POU2F1: variants seen among roughly 807,000 people sequenced by gnomAD.
POU2F1 encodes the protein POU class 2 homeobox 1.
Under a neutral mutation model 84.9 loss-of-function variants are expected in POU2F1, and 16 were observed. The observed-to-expected ratio is 0.19, with a 90% CI of 0.13 to 0.29. POU2F1 has a LOEUF of 0.29. POU2F1 is among the 10% of genes least tolerant of loss of function. The pLI is 1.00. For synonymous variants in POU2F1, 368 were observed against 368.3 expected (o/e 1.00, Z 0.01); for missense variants, 738 against 942.6 (o/e 0.78, Z 2.84).
chr1:167,411,301 G>A (rs971426455), intron 13 of POU2F1, among the ~76,000 whole-genome samples: 20 of 152,032 alleles, frequency 1.3e-4, no homozygotes, highest in African/African-American at 4.8e-5. Context: ...GCCTCCCAAA[G>A]TGCTGAGATT....
At chr1:167,294,098 C>T (rs991951035) in intron 1 of POU2F1, among the ~76,000 whole-genome samples, 2 of 147,068 alleles carry the variant, frequency 1.4e-5, no homozygotes, top group South Asian at 2.1e-4. Context: ...TTTGGGAGGC[C>T]GAGGCGGGCG....
rs1204164433 is a variant in POU2F1 at position 167,401,448 on chromosome 1, A to G, written c.1450-3A>G. ...TGTCCATGTTTTCATTTCTGACCTC[A>G]AGGTGGCGACCACACCAAGCCTTGT... On this transcript the variant is annotated splice_polypyrimidine_tract_variant and splice_region_variant and intron_variant, in intron 12 of 15. Coordinates refer to ENST00000367866, the MANE Select transcript of POU2F1 (RefSeq NM_002697.4). 1 of 1,604,356 alleles carries G rather than the reference A, an allele frequency of 6.2e-7. No individual in the cohort carries two copies.
At chr1:167,373,906 G>A (rs1184404193) in intron 5 of POU2F1, among the ~76,000 whole-genome samples, 1 of 151,892 alleles carries the variant, frequency 6.6e-6, no homozygotes, top group Non-Finnish European at 1.5e-5. Flanking sequence ...TAAGTCCATA[G>A]TGGGGACCAC....
At chr1:167,414,250 T>G (rs1193581885) in intron 15 of POU2F1, 14 of 891,044 alleles carry the variant, frequency 1.6e-5, no homozygotes, top group Non-Finnish European at 1.7e-5. Context: ...TGCAATAGAA[T>G]TTGTGATAAA....
In POU2F1 at chr1:167,383,869, C is replaced by T. The variant is rs772726623; in HGVS notation, c.731C>T (p.Ala244Val). 7 of 1,613,370 alleles carry T rather than the reference C, an allele frequency of 4.3e-6. No homozygotes were observed. Among genetic ancestry groups the T allele is most frequent in the African/African-American group, 1.3e-5 (1 of 74,866 alleles). The change falls in exon 8 of 16, where the codon GCG (alanine) becomes GTG (valine). Residue 244 changes from alanine to valine, a missense_variant. Around this residue, in one of 4 missense-constraint regions of POU2F1, gnomAD observed 163 missense variants for 214.4 expected, o/e 0.76. Transcript: ENST00000367866. ...TPQGQQGLLQ[A>V]QNLLTQLPQQ... Reference sequence around the variant, plus strand: ...TTTTCTTCTACAGGTCTCCTGCAAGCGCAAAATCTTCTAACGCAACTACCT... The same window carrying T: ...TTTTCTTCTACAGGTCTCCTGCAAGTGCAAAATCTTCTAACGCAACTACCT...
intron 2 of POU2F1, among the ~76,000 whole-genome samples, chr1:167,361,738 T>C (rs192892393): frequency 3.3e-5 from 5 of 152,282 alleles, no homozygotes; most frequent in Admixed American, 3.3e-4. Flanking sequence ...ATAGTTTCAG[T>C]AGAATTGGTA....
At chr1:167,299,742 A>C (rs2102562015) in intron 1 of POU2F1, among the ~76,000 whole-genome samples, 1 of 148,174 alleles carries the variant, frequency 6.7e-6, no homozygotes, top group Middle Eastern at 3.4e-3. Flanking sequence ...ACCTAGTTCC[A>C]AAGAGTGGGA....
intron 3 of POU2F1, among the ~76,000 whole-genome samples, chr1:167,368,090 A>G (rs1301028707): frequency 2.6e-5 from 4 of 152,124 alleles, no homozygotes; most frequent in Admixed American, 6.6e-5. Flanking sequence ...ATATTGGCCC[A>G]TATTTATATA....
intron 13 of POU2F1, among the ~76,000 whole-genome samples, chr1:167,408,541 G>A (rs1014691300): frequency 5.9e-5 from 9 of 152,166 alleles, no homozygotes; most frequent in African/African-American, 2.2e-4. Flanking sequence ...AATTAATGAG[G>A]TGTTGATTCG....
chr1:167,423,012 T>C lies in POU2F1; in HGVS notation c.*7202T>C, dbSNP rs1650734868. ...GATGTTCTTGGAATTGCTGAGAAATTTGGGGAGGGCAAAAGATAGGGGTAG... is the reference window on the plus strand; with the variant it reads ...GATGTTCTTGGAATTGCTGAGAAATCTGGGGAGGGCAAAAGATAGGGGTAG... On this transcript the variant is annotated 3_prime_UTR_variant, in exon 16 of 16. Transcript: ENST00000367866. 1 of 152,154 alleles carries C rather than the reference T, an allele frequency of 6.6e-6. No homozygotes were observed. The highest frequency in any genetic ancestry group is 1.5e-5 in the Non-Finnish European group (1 of 68,020). 9.4% of individuals were successfully genotyped at this position (152,154 alleles called of 1,614,324 possible).
At position 167,354,896 on chromosome 1, in the gene POU2F1, T is replaced by C. The variant is rs562123652; in HGVS notation, c.128-10571T>C. Among the ~76,000 whole-genome samples, 55 of 152,338 alleles carry C rather than the reference T, an allele frequency of 3.6e-4. No homozygotes were observed. In the South Asian group the frequency reaches 7.2e-3, roughly 20 times the overall value. On this transcript the variant is annotated intron_variant, in intron 2 of 15. Coordinates refer to ENST00000367866, the MANE Select transcript of POU2F1 (RefSeq NM_002697.4). The stretch of plus-strand genomic sequence containing the variant: ...GTTGGGTTGACTTTTTCTTATTGAC[T>C]CATAGGAGTTCTTTGTGTATTCTGA...
rs2101853119 is a variant in POU2F1, at chr1:167,374,249, A to G, written c.544A>G (p.Thr182Ala). 6.2e-7 allele frequency: 1 copy of G among 1,613,496 alleles called. No homozygotes were observed. Among genetic ancestry groups the G allele is most frequent in the Non-Finnish European group, 8.5e-7 (1 of 1,179,822 alleles). Residue 182 changes from threonine to alanine, a missense_variant, in exon 6 of 16, where the codon ACG (threonine) becomes GCG (alanine). Physicochemically the swap from Thr to Ala is moderately conservative, Grantham distance 58. This residue lies in a region of POU2F1 where 163 missense variants were observed against 214.4 expected (regional missense o/e 0.76). Coordinates refer to ENST00000367866, the MANE Select transcript of POU2F1 (RefSeq NM_002697.4). ...AGCCACCATCTCCGCCTCTGCTGCC[A>G]CGCCCATGACGCAGATCCCCCTGTC... ...AGATISASAA[T>A]PMTQIPLSQP...
intron 1 of POU2F1, among the ~76,000 whole-genome samples, chr1:167,314,765 A>T (rs1038055518): frequency 2.0e-5 from 3 of 152,058 alleles, no homozygotes; most frequent in African/African-American, 7.2e-5. Context: ...CAAAAGTGAG[A>T]CCTTATCTCC....
chr1:167,364,190 G>A (rs1659517739), intron 2 of POU2F1, among the ~76,000 whole-genome samples: 1 of 152,146 alleles, frequency 6.6e-6, no homozygotes, highest in Non-Finnish European at 1.5e-5. Flanking sequence ...GTGTTAGGGT[G>A]GCATGTCTTT....
chr1:167,233,285 C>T (rs930815165), intron 1 of POU2F1, among the ~76,000 whole-genome samples: 10 of 151,496 alleles, frequency 6.6e-5, no homozygotes, highest in African/African-American at 1.2e-4. Flanking sequence ...CACAGGCGCA[C>T]GCACCCATGC....
chr1:167,271,027 A>C (rs1019702839), intron 1 of POU2F1, among the ~76,000 whole-genome samples: 10 of 152,228 alleles, frequency 6.6e-5, no homozygotes, highest in Admixed American at 5.2e-4. Context: ...TTTCCAAGCC[A>C]GTGTTAACAC....
chr1:167,349,549 T>C (rs536086299), intron 2 of POU2F1, among the ~76,000 whole-genome samples: 1 of 152,312 alleles, frequency 6.6e-6, no homozygotes, highest in South Asian at 2.1e-4. Context: ...CCTGGAACAG[T>C]GCTTGCTATA....
rs1658383554 is a variant in POU2F1, at chr1:167,348,982, A to G, written c.127+16447A>G. Among the ~76,000 whole-genome samples the G allele has an allele frequency of 2.6e-5, 4 of 151,842 alleles. No individual in the cohort carries two copies. In the South Asian group the frequency reaches 8.3e-4, roughly 31 times the overall value. ...TTTTTTAATAGTGCTTGTCTTTTGT[A>G]TTACTTATTTACTTGTCTGCCACCC... On this transcript the variant is annotated intron_variant, in intron 2 of 15. Transcript: ENST00000367866.
At chr1:167,376,808 A>G (rs996575839) in intron 7 of POU2F1, among the ~76,000 whole-genome samples, 3 of 152,104 alleles carry the variant, frequency 2.0e-5, no homozygotes, top group Non-Finnish European at 4.4e-5. Flanking sequence ...TCATTCCAAA[A>G]TCTTTTGTCA....
Sources: gnomAD v4.1 joint callset for allele counts (sites outside exome capture counted in the v4.1 genomes callset) on GRCh38, gnomAD v4.1.1 for gene constraint, gnomAD v4.1.1 regional missense constraint, MANE v1.5 for transcripts, NCBI Gene and HGNC (gene_info 2026-07-23, HGNC 2026-07-21) for gene names.